CCDC149: variants seen among roughly 807,000 people sequenced by gnomAD.
CCDC149 encodes the protein coiled-coil domain containing 149.
A neutral mutation model predicts 59.9 loss-of-function variants in CCDC149; 45 were observed. That is an observed-to-expected ratio of 0.75 (90% CI 0.59 to 0.96). The LOEUF (loss-of-function observed/expected upper bound fraction) is 0.96. CCDC149 is among the 40% of genes least tolerant of loss of function. CCDC149 has a pLI of 0.00. For synonymous variants in CCDC149, 245 were observed against 260.6 expected (o/e 0.94, Z 0.58); for missense variants, 584 against 664.7 (o/e 0.88, Z 1.33).
chr4:24,973,840 G>A (rs1252940776), intron 1 of CCDC149, among the ~76,000 whole-genome samples: 1 of 152,236 alleles, frequency 6.6e-6, no homozygotes, highest in Admixed American at 6.5e-5. Context: ...ACCAGCAAGT[G>A]CCTCATGGAG....
At chr4:24,803,800 A>C (rs1209240261), downstream of CCDC149, among the ~76,000 whole-genome samples, 5 of 152,214 alleles carry the variant, frequency 3.3e-5, no homozygotes, top group Admixed American at 3.3e-4. This position sits in a 1 kb window ranked among gnomAD's most constrained non-coding sequence, Gnocchi z 4.3. Context: ...CTATGCATCC[A>C]AAAAATTCTC....
chr4:24,912,561 C>A (rs1016240265), intron 1 of CCDC149, among the ~76,000 whole-genome samples: 4 of 152,112 alleles, frequency 2.6e-5, no homozygotes, highest in African/African-American at 9.7e-5. Context: ...AATCCAGGGC[C>A]AACCCCTGCC....
intron 3 of CCDC149, among the ~76,000 whole-genome samples, chr4:24,859,283 A>T (rs775380032): frequency 6.6e-6 from 1 of 152,170 alleles, no homozygotes; most frequent in Non-Finnish European, 1.5e-5. Context: ...AGCATATTTG[A>T]GGTAGGCTAG....
At chr4:24,868,876 A>C (rs1432463547) in intron 3 of CCDC149, among the ~76,000 whole-genome samples, 1 of 152,152 alleles carries the variant, frequency 6.6e-6, no homozygotes, top group Non-Finnish European at 1.5e-5. Context: ...CCAGTTCGTT[A>C]TGTTACTTCC....
At chr4:24,980,015 T>C (rs1030056979) in intron 1 of CCDC149, 2 of 152,218 alleles carry the variant, frequency 1.3e-5, no homozygotes, top group African/African-American at 4.8e-5. Flanking sequence ...TAATATAAAG[T>C]AATTGTGTCC....
intron 1 of CCDC149, among the ~76,000 whole-genome samples, chr4:24,880,137 A>G (rs1260925976): frequency 6.6e-6 from 1 of 152,250 alleles, no homozygotes; most frequent in Non-Finnish European, 1.5e-5. Context: ...GGCAGACTGC[A>G]TATATGATAG....
chr4:24,828,413 AG>A (rs1308429101), intron 9 of CCDC149: 1 of 152,160 alleles, frequency 6.6e-6, no homozygotes, highest in African/African-American at 2.4e-5. Context: ...CGTTTCTTCC[AG>A]GAAGGGGATT....
At chr4:24,968,346 T>G (rs958299563) in intron 1 of CCDC149, among the ~76,000 whole-genome samples, 2 of 152,194 alleles carry the variant, frequency 1.3e-5, no homozygotes, top group African/African-American at 4.8e-5. Context: ...GCTGCAGTCA[T>G]TGTGCAGACG....
chr4:24,948,625 C>A (rs945125537), intron 1 of CCDC149, among the ~76,000 whole-genome samples: 10 of 152,146 alleles, frequency 6.6e-5, no homozygotes, highest in African/African-American at 2.4e-4. Context: ...CCCTCCCTCC[C>A]AGGCCACTGG....
intron 4 of CCDC149, among the ~76,000 whole-genome samples, chr4:24,840,435 A>G (rs1716865149): frequency 6.6e-6 from 1 of 152,218 alleles, no homozygotes; most frequent in African/African-American, 2.4e-5. Flanking sequence ...CCCAAAATCA[A>G]TATTTGCAGT....
chr4:24,964,741 C>T (rs1231962269), intron 1 of CCDC149, among the ~76,000 whole-genome samples: 1 of 152,038 alleles, frequency 6.6e-6, no homozygotes, highest in East Asian at 1.9e-4. Flanking sequence ...TAAGGGAATC[C>T]CAAATACAAT....
upstream of CCDC149, among the ~76,000 whole-genome samples, chr4:24,917,837 A>G (rs1289840232): frequency 6.6e-6 from 1 of 152,164 alleles, no homozygotes; most frequent in African/African-American, 2.4e-5. Context: ...GATATGATTC[A>G]GCACAAATTT....
intron 2 of CCDC149, among the ~76,000 whole-genome samples, chr4:24,874,433 T>G (rs1394238933): frequency 1.3e-5 from 2 of 151,774 alleles, no homozygotes; most frequent in African/African-American, 4.8e-5. Flanking sequence ...AATACAAAAA[T>G]TAGCCAGATG....
At chr4:24,878,356 G>A (rs1719610975) in intron 1 of CCDC149, among the ~76,000 whole-genome samples, 1 of 152,134 alleles carries the variant, frequency 6.6e-6, no homozygotes, top group Admixed American at 6.5e-5. Context: ...CAGTAATGAG[G>A]TTGGAATCCT....
intron 1 of CCDC149, among the ~76,000 whole-genome samples, chr4:24,943,198 A>G (rs768218016): frequency 2.5e-4 from 38 of 152,248 alleles, no homozygotes; most frequent in Non-Finnish European, 5.0e-4. Context: ...ACCAAGAGAT[A>G]AAGACCGATG....
intron 1 of CCDC149, among the ~76,000 whole-genome samples, chr4:24,928,273 G>A (rs1388342798): frequency 1.3e-5 from 2 of 152,170 alleles, no homozygotes; most frequent in East Asian, 1.9e-4. Flanking sequence ...TTTTTCTAGA[G>A]ACACGTACAT....
rs141060504 is a variant in CCDC149 at position 24,901,219 on chromosome 4, T to A, written c.63+11598A>T. On this transcript the variant is annotated intron_variant, in intron 1 of 12. Coordinates refer to ENST00000635206, the MANE Select transcript of CCDC149 (RefSeq NM_001330643.2). ...AAAGTAAAAATCAACCAAAGGTTTG[T>A]GTTCTTTGGGAACCAGGTCTCCACC... Among the ~76,000 whole-genome samples, 497 of 152,348 alleles carry A rather than the reference T, an allele frequency of 3.3e-3. 6 individuals are homozygous for A. The highest frequency in any genetic ancestry group is 0.011 in the African/African-American group (475 of 41,590).
At chr4:24,902,006 C>G (rs1381408242) in intron 1 of CCDC149, among the ~76,000 whole-genome samples, 2 of 152,212 alleles carry the variant, frequency 1.3e-5, no homozygotes, top group African/African-American at 4.8e-5. Flanking sequence ...CTGCAATGGG[C>G]AAAGTACAGG....
In CCDC149 at chr4:24,813,489, AATATATATATATAT is replaced by A. The variant is rs57650226; in HGVS notation, c.1193-4684_1193-4671del. Reference sequence around the variant, plus strand: ...TATATCCCCAAGGTTCAGCTTGGGGAATATATATATATATATATATATATATATATATATATATA... The same window carrying A: ...TATATCCCCAAGGTTCAGCTTGGGGAATATATATATATATATATATATATA... On this transcript the variant is annotated intron_variant, in intron 12 of 12. Transcript: ENST00000635206. Among the ~76,000 whole-genome samples, 464 of 113,660 alleles carry A rather than the reference AATATATATATATAT, an allele frequency of 4.1e-3. 8 individuals are homozygous for A. Among genetic ancestry groups the A allele is most frequent in the African/African-American group, 0.014 (338 of 24,892 alleles). The allele number at this position is 113,660 out of a possible 152,430, so 74.6% of individuals were successfully genotyped here.
Sources: gnomAD v4.1 joint callset for allele counts (sites outside exome capture counted in the v4.1 genomes callset) on GRCh38, gnomAD v4.1.1 for gene constraint, Gnocchi (gnomAD v3.1) non-coding constraint, MANE v1.5 for transcripts, NCBI Gene and HGNC (gene_info 2026-07-23, HGNC 2026-07-21) for gene names.